The following AHNAK variants were observed in gnomAD, a reference collection of about 807,000 sequenced individuals.
AHNAK encodes the protein AHNAK nucleoprotein, also known as neuroblast differentiation-associated protein AHNAK.
Under a neutral mutation model 37.8 loss-of-function variants are expected in AHNAK, and 23 were observed. The ratio of observed to expected loss-of-function variants is 0.61; its 90% CI spans 0.44 to 0.86. The LOEUF is 0.86. Among genes scored for constraint, AHNAK ranks in the 40% least tolerant of loss-of-function variants. The probability of loss-of-function intolerance (pLI) is 0.00; values close to 1 mark genes in which losing one functional copy is unlikely to be tolerated. For missense variants in AHNAK, 7,411 were observed against 7,319.4 expected (o/e 1.01, Z -0.46); for synonymous variants, 2,481 against 2,636.3 (o/e 0.94, Z 1.80).
chr11:62,540,590 G>C (rs1941089615), intron 1 of AHNAK, among the ~76,000 whole-genome samples: 1 of 152,112 alleles, frequency 6.6e-6, no homozygotes, highest in Non-Finnish European at 1.5e-5. Flanking sequence ...CACACTGATC[G>C]CTTGAACCCA....
chr11:62,542,640 G>A (rs1233557925), intron 1 of AHNAK, among the ~76,000 whole-genome samples: 1 of 152,158 alleles, frequency 6.6e-6, no homozygotes, highest in Admixed American at 6.5e-5. Context: ...TTCCAGCAGC[G>A]AGGGAGATTC....
At position 62,528,792 on chromosome 11, in the gene AHNAK, C is replaced by A. The variant is rs199922225; in HGVS notation, c.5625G>T (p.Val1875=). Residue 1875 remains valine, a synonymous_variant, in exon 5 of 5, where the codon GTG becomes GTT. Coordinates refer to ENST00000378024, the MANE Select transcript of AHNAK (RefSeq NM_001620.3). The part of the protein sequence containing the change: ...KGPKVKGDAD[V]SVPKLEGDLT... ...AATCTCCCTCCAATTTTGGCACCGACACATCCGCATCCCCTTTGACTTTGG... is the reference window on the plus strand; with the variant it reads ...AATCTCCCTCCAATTTTGGCACCGAAACATCCGCATCCCCTTTGACTTTGG... 5 of 1,612,572 alleles carry A rather than the reference C, an allele frequency of 3.1e-6. No homozygotes were observed. In the South Asian group the frequency reaches 5.5e-5, roughly 18 times the overall value.
Position 62,532,101 on chromosome 11 carries a change from G to T in AHNAK, c.2316C>A (p.Asn772Lys). 6.2e-7 allele frequency: 1 copy of T among 1,612,928 alleles called. No homozygotes were observed. The highest frequency in any genetic ancestry group is 8.5e-7 in the Non-Finnish European group (1 of 1,179,806). The change falls in exon 5 of 5, where the codon AAC becomes AAA. Residue 772 changes from asparagine (N) to lysine (K), a missense_variant. Asn to Lys is a moderately conservative substitution (Grantham distance 94). Transcript: ENST00000378024. ...AAATGTCCACATCAGCCTTGGGCAG[G>T]TTCACATCCACTTCTGGGCCCTCTG... ...FKAEGPEVDV[N>K]LPKADVDISG...
Position 62,522,656 on chromosome 11 carries a change from C to A in AHNAK, c.11761G>T (p.Val3921Leu). The A allele has an allele frequency of 6.2e-7, 1 of 1,613,070 alleles. No individual in the cohort carries two copies. The part of the protein sequence containing the change: ...GPKVDINAPD[V>L]DVRGPDWHLK... ...TGCCAGTCTGGGCCTCGAACATCCA[C>A]ATCTGGGGCATTAATATCCACTTTG... The change falls in exon 5 of 5, where the codon GTG (valine) becomes TTG (leucine). Residue 3921 changes from valine (V) to leucine (L), a missense_variant. By Grantham distance (32) the Val-to-Leu change is conservative (BLOSUM62 1). Coordinates refer to ENST00000378024, the MANE Select transcript of AHNAK (RefSeq NM_001620.3).
rs1419491054 is a variant in AHNAK, at chr11:62,522,953, G to A, written c.11464C>T (p.Pro3822Ser). Reference sequence around the variant, plus strand: ...TTGGGCAGGTTCACATCCACATCTGGGCCCTCTCCTTTGAAGCCAGGCATG... The same window carrying A: ...TTGGGCAGGTTCACATCCACATCTGAGCCCTCTCCTTTGAAGCCAGGCATG... ...FSMPGFKGEG[P>S]DVDVNLPKAD... is the part of the protein sequence containing the mutation. The change falls in exon 5 of 5, where the codon CCA becomes TCA. Residue 3822 changes from proline to serine, a missense_variant. Transcript: ENST00000378024. 1 of 1,612,774 alleles carries A rather than the reference G, an allele frequency of 6.2e-7. No homozygotes were observed. The highest frequency in any genetic ancestry group is 8.5e-7 in the Non-Finnish European group (1 of 1,179,804).
At chr11:62,457,649 G>A (rs1453945686) in intron 5 of AHNAK, among the ~76,000 whole-genome samples, 2 of 151,908 alleles carry the variant, frequency 1.3e-5, no homozygotes. Flanking sequence ...AAAAAGGAAC[G>A]AAAAGGCTTA....
At chr11:62,475,315 G>C (rs1356268065) in intron 5 of AHNAK, among the ~76,000 whole-genome samples, 3 of 151,896 alleles carry the variant, frequency 2.0e-5, no homozygotes, top group Non-Finnish European at 4.4e-5. Flanking sequence ...AAAAAAAGGT[G>C]GGGGGACCCC....
chr11:62,435,327 A>T (rs1261259918), intron 5 of AHNAK, among the ~76,000 whole-genome samples: 1 of 152,240 alleles, frequency 6.6e-6, no homozygotes, highest in Non-Finnish European at 1.5e-5. Flanking sequence ...GTGTTGAATT[A>T]TTTAGAGGGC....
chr11:62,533,809 T>G lies in AHNAK; in HGVS notation c.608A>C (p.Lys203Thr). The G allele has an allele frequency of 6.2e-7, 1 of 1,614,154 alleles. No individual in the cohort carries two copies. The highest frequency in any genetic ancestry group is 8.5e-7 in the Non-Finnish European group (1 of 1,180,032). Residue 203 changes from lysine to threonine, a missense_variant, in exon 5 of 5, where the codon AAG becomes ACG. Lys to Thr is a moderately conservative substitution (Grantham distance 78). Coordinates refer to ENST00000378024, the MANE Select transcript of AHNAK (RefSeq NM_001620.3). ...SNVDVETQSG[K>T]TVIRLPSGSG... is the part of the protein sequence containing the mutation. The stretch of plus-strand genomic sequence containing the variant: ...GCCCGAGGGCAGTCTGATCACGGTC[T>G]TCCCAGACTGGGTCTCCACATCCAC...
chr11:62,518,102 C>T lies in AHNAK; in HGVS notation c.16315G>A (p.Asp5439Asn). 1.2e-6 allele frequency: 2 copies of T among 1,614,230 alleles called. No homozygotes were observed. The highest frequency in any genetic ancestry group is 1.7e-6 in the Non-Finnish European group (2 of 1,180,028). The change falls in exon 5 of 5, where the codon GAT (aspartate) becomes AAT (asparagine). Residue 5439 changes from aspartate (D) to asparagine (N), a missense_variant. By Grantham distance (23) the Asp-to-Asn change is conservative (BLOSUM62 1). Transcript: ENST00000378024. ...ATCCGAGGCCCTTTCAGGTTCACAT[C>T]CACACCTGGCCCCTTCAGTTCGCCA... is the stretch of plus-strand genomic sequence containing the variant. The part of the protein sequence containing the change: ...VSGELKGPGV[D>N]VNLKGPRISA...
chr11:62,446,122 T>C (rs1050343516), intron 5 of AHNAK, among the ~76,000 whole-genome samples: 1 of 152,054 alleles, frequency 6.6e-6, no homozygotes, highest in Non-Finnish European at 1.5e-5. Context: ...ATTTCATTAA[T>C]TTCCTACAAG....
At position 62,526,803 on chromosome 11, in the gene AHNAK, G is replaced by A. The variant is rs759287400; in HGVS notation, c.7614C>T (p.Asp2538=). The A allele has an allele frequency of 1.7e-5, 28 of 1,612,920 alleles. No individual in the cohort carries two copies. Among genetic ancestry groups the A allele is most frequent in the African/African-American group, 2.7e-5 (2 of 74,466 alleles). The change falls in exon 5 of 5, where the codon GAC becomes GAT. Residue 2538 remains aspartate, a synonymous_variant. Coordinates refer to ENST00000378024, the MANE Select transcript of AHNAK (RefSeq NM_001620.3). ...CCACCTTGGGTCCTGAGATGTCAACGTCAGCCTTAGGCAAGTTGACGTCTA... is the reference window on the plus strand; with the variant it reads ...CCACCTTGGGTCCTGAGATGTCAACATCAGCCTTAGGCAAGTTGACGTCTA... The part of the protein sequence containing the change: ...PEVDVNLPKA[D]VDISGPKVDI...
At position 62,528,108 on chromosome 11, in the gene AHNAK, G is replaced by A. The variant is rs765931372; in HGVS notation, c.6309C>T (p.Pro2103=). 1 of 1,612,086 alleles carries A rather than the reference G, an allele frequency of 6.2e-7. No individual in the cohort carries two copies. Among genetic ancestry groups the A allele is most frequent in the South Asian group, 1.1e-5 (1 of 90,994 alleles). ...AGTGCATCTCAGGCATCTTAAGCTT[G>A]GGGCCCTTCAGCTTCCCTTCTGGAC... ...LEGPEGKLKG[P]KLKMPEMHFK... Residue 2103 remains proline (P), a synonymous_variant, in exon 5 of 5, where the codon CCC becomes CCT. Coordinates refer to ENST00000378024, the MANE Select transcript of AHNAK (RefSeq NM_001620.3).
intron 5 of AHNAK, among the ~76,000 whole-genome samples, chr11:62,448,191 G>A (rs1171335665): frequency 7.9e-5 from 12 of 152,170 alleles, no homozygotes; most frequent in African/African-American, 7.2e-5. Flanking sequence ...GAGGAGAGGG[G>A]ACATCAGGTG....
rs1940247234 is a variant in AHNAK, at chr11:62,521,643, G to A, written c.12774C>T (p.Ser4258=). ...PEMNIKAPKI[S]MPDFDLHLKG... ...TCAGATGCAAATCAAAGTCAGGCAT[G>A]GAGATCTTGGGGGCTTTGATGTTCA... The change falls in exon 5 of 5, where the codon TCC becomes TCT. Residue 4258 remains serine (S), a synonymous_variant. Coordinates refer to ENST00000378024, the MANE Select transcript of AHNAK (RefSeq NM_001620.3). 6.2e-7 allele frequency: 1 copy of A among 1,613,380 alleles called. No homozygotes were observed.
Position 62,526,006 on chromosome 11 carries a change from A to G in AHNAK, c.8411T>C (p.Val2804Ala), listed in dbSNP as rs747843779. ...TTCGATATTCACATCGGGACATTCAACATCCACTTTCGGTCCTGAGACATC... is the reference window on the plus strand; with the variant it reads ...TTCGATATTCACATCGGGACATTCAGCATCCACTTTCGGTCCTGAGACATC... ...DIDVSGPKVD[V>A]ECPDVNIEGP... The change falls in exon 5 of 5, where the codon GTT (valine) becomes GCT (alanine). Residue 2804 changes from valine to alanine, a missense_variant. Val to Ala is a moderately conservative substitution (Grantham distance 64, BLOSUM62 0). Coordinates refer to ENST00000378024, the MANE Select transcript of AHNAK (RefSeq NM_001620.3). 3 of 1,613,668 alleles carry G rather than the reference A, an allele frequency of 1.9e-6. No homozygotes were observed. The highest frequency in any genetic ancestry group is 4.5e-5 in the East Asian group (2 of 44,844).
intron 3 of AHNAK, among the ~76,000 whole-genome samples, chr11:62,535,406 T>G (rs1940911117): frequency 6.6e-6 from 1 of 152,098 alleles, no homozygotes; most frequent in Non-Finnish European, 1.5e-5. Flanking sequence ...CTCAGCACTT[T>G]GGGAGACCGA....
chr11:62,483,760 G>A (rs930471879), intron 5 of AHNAK, among the ~76,000 whole-genome samples: 1 of 151,960 alleles, frequency 6.6e-6, no homozygotes, highest in African/African-American at 2.4e-5. Flanking sequence ...TCCAGAGGCT[G>A]AGGCAGGAGA....
intron 1 of AHNAK, among the ~76,000 whole-genome samples, chr11:62,537,841 C>T (rs1449442756): frequency 6.6e-6 from 1 of 152,076 alleles, no homozygotes; most frequent in Non-Finnish European, 1.5e-5. Context: ...CGCCACCATG[C>T]CCGGCTAATT....
Sources: gnomAD v4.1 joint callset for allele counts (sites outside exome capture counted in the v4.1 genomes callset) on GRCh38, gnomAD v4.1.1 for gene constraint, MANE v1.5 for transcripts, NCBI Gene and HGNC (gene_info 2026-07-23, HGNC 2026-07-21) for gene names.